The following SVOPL variants were observed in gnomAD, a reference collection of about 807,000 sequenced individuals.
SVOPL encodes putative transporter SVOPL.
In SVOPL, 60 loss-of-function variants were observed where a neutral mutation model predicts 61.0. The ratio of observed to expected loss-of-function variants is 0.98; its 90% CI spans 0.80 to 1.22. The LOEUF is 1.22. Among genes scored for constraint, SVOPL ranks in the 50% most tolerant of loss-of-function variants. The pLI is 0.00. For synonymous variants in SVOPL, 279 were observed against 250.0 expected (o/e 1.12, Z -1.09); for missense variants, 662 against 643.9 (o/e 1.03, Z -0.30).
chr7:138,628,177 G>A lies in SVOPL; in HGVS notation c.1050C>T (p.Ser350=). ...ACTTACAAGCAATTTCACCGATGGT[G>A]CTGATGATCATGGTCCGATAGTCAG... ...APSDYRTMII[S]TIGEIALNPL... Residue 350 remains serine, a synonymous_variant, in exon 11 of 16, where the codon AGC becomes AGT. Transcript: ENST00000674285. The A allele has an allele frequency of 1.2e-6, 2 of 1,614,174 alleles. No individual in the cohort carries two copies. The highest frequency in any genetic ancestry group is 1.7e-6 in the Non-Finnish European group (2 of 1,180,044).
chr7:138,640,842 T>A (rs528123253), intron 9 of SVOPL, among the ~76,000 whole-genome samples: 191 of 152,184 alleles, frequency 1.3e-3, no homozygotes, highest in Admixed American at 3.2e-3. Flanking sequence ...GGATCAATCA[T>A]ACCCCAAACC....
At chr7:138,690,834 G>A (rs747670080) in intron 1 of SVOPL, among the ~76,000 whole-genome samples, 16 of 152,036 alleles carry the variant, frequency 1.1e-4, no homozygotes, top group South Asian at 2.1e-4. Flanking sequence ...GTGCAGTGGC[G>A]CAATCTCAGC....
chr7:138,647,898 G>A (rs1801202827), intron 8 of SVOPL, among the ~76,000 whole-genome samples: 4 of 151,806 alleles, frequency 2.6e-5, no homozygotes, highest in Admixed American at 2.6e-4. Context: ...GCAGCTTTCT[G>A]GCAGAGACCT....
intron 1 of SVOPL, chr7:138,689,505 A>G: frequency 4.1e-6 from 3 of 732,232 alleles, no homozygotes; most frequent in Admixed American, 4.2e-5. Context: ...GAAGAAACAA[A>G]AACTTATGAC....
intron 9 of SVOPL, 68 bp downstream of exon 9, chr7:138,644,649 T>C: frequency 6.3e-7 from 1 of 1,581,204 alleles, no homozygotes; most frequent in Non-Finnish European, 8.6e-7. Flanking sequence ...CCCTCCAGCC[T>C]TCCACAACTG....
chr7:138,603,887 T>C lies in SVOPL; in HGVS notation c.1354-7357A>G, dbSNP rs75038881. ...AGACTCCAGAACACTCCCAACTTTG[T>C]GGTCATCACATTTGGCTTTCGATAA... On this transcript the variant is annotated intron_variant, in intron 14 of 15. Coordinates refer to ENST00000674285, the MANE Select transcript of SVOPL (RefSeq NM_001139456.2). Among the ~76,000 whole-genome samples the C allele has an allele frequency of 1.1e-4, 16 of 152,026 alleles. No individual in the cohort carries two copies. The East Asian group carries it at 2.5e-3, about 24-fold the overall frequency.
chr7:138,680,826 G>A (rs1345639859), intron 1 of SVOPL, among the ~76,000 whole-genome samples: 4 of 152,168 alleles, frequency 2.6e-5, no homozygotes, highest in African/African-American at 4.8e-5. Flanking sequence ...GAATCCGCCC[G>A]CATCGGCCTC....
intron 4 of SVOPL, chr7:138,663,416 C>T: frequency 7.4e-7 from 1 of 1,349,878 alleles, no homozygotes; most frequent in Non-Finnish European, 9.5e-7. Context: ...ACGGCTTCGG[C>T]TCCACTCTAT....
In SVOPL at chr7:138,639,025, G is replaced by A. The variant is rs1204120270; in HGVS notation, c.789+5692C>T. On this transcript the variant is annotated intron_variant, in intron 9 of 15. Coordinates refer to ENST00000674285, the MANE Select transcript of SVOPL (RefSeq NM_001139456.2). ...CCCAACACTTTGGAAGGCTGAGGCA[G>A]GTGGATCACCTGAGGTCAGGAGCTC... 3.9e-5 allele frequency among the ~76,000 whole-genome samples: 6 copies of A among 152,286 alleles called. No homozygotes were observed. The East Asian group carries it at 1.2e-3, about 29-fold the overall frequency.
At chr7:138,606,414 A>G (rs1563083431) in intron 14 of SVOPL, among the ~76,000 whole-genome samples, 1 of 152,244 alleles carries the variant, frequency 6.6e-6, no homozygotes, top group East Asian at 1.9e-4. Flanking sequence ...CTACCTGTGT[A>G]ACTTCCCTTA....
chr7:138,655,024 C>CT, intron 7 of SVOPL, among the ~76,000 whole-genome samples: 1 of 151,736 alleles, frequency 6.6e-6, no homozygotes, highest in East Asian at 1.9e-4. Flanking sequence ...AACCCCATCT[C>CT]TACAAAAAAT....
intron 5 of SVOPL, chr7:138,660,570 A>G: frequency 1.0e-6 from 1 of 985,564 alleles, no homozygotes; most frequent in Non-Finnish European, 1.2e-6. Context: ...GTAATATAAT[A>G]CATAAGACCT....
intron 1 of SVOPL, 98 bp from the exon 2 acceptor site, chr7:138,679,177 TCACA>T: frequency 1.3e-6 from 1 of 791,294 alleles, no homozygotes; most frequent in Non-Finnish European, 2.0e-6. Context: ...CCTGAAGCCC[TCACA>T]AAAATCGAAT....
At chr7:138,690,622 GC>G (rs545023658) in intron 1 of SVOPL, among the ~76,000 whole-genome samples, 96 of 152,176 alleles carry the variant, frequency 6.3e-4, no homozygotes, top group Non-Finnish European at 1.3e-3. Context: ...ATGAGTGGTT[GC>G]GGGGGGAGGA....
chr7:138,621,282 C>G (rs1799555072), intron 13 of SVOPL, 147 bp from the exon 14 acceptor site: 1 of 543,876 alleles, frequency 1.8e-6, no homozygotes, highest in Non-Finnish European at 3.0e-6. Context: ...TGTTGATTTT[C>G]TCAGGTACAC....
chr7:138,644,461 A>T (rs1339291229), intron 9 of SVOPL, among the ~76,000 whole-genome samples: 2 of 152,216 alleles, frequency 1.3e-5, no homozygotes, highest in African/African-American at 4.8e-5. Flanking sequence ...CAATGATGCC[A>T]AATCATGTTA....
Position 138,634,048 on chromosome 7 carries a change from C to A in SVOPL, c.790-3926G>T, listed in dbSNP as rs568755026. The stretch of plus-strand genomic sequence containing the variant: ...GAGCATGAGCTGAGGTCAGAAGAGC[C>A]TTTCCCATGATCCTGCCAGCCCTAG... On this transcript the variant is annotated intron_variant, in intron 9 of 15. Coordinates refer to ENST00000674285, the MANE Select transcript of SVOPL (RefSeq NM_001139456.2). 5.3e-5 allele frequency among the ~76,000 whole-genome samples: 8 copies of A among 152,310 alleles called. No individual in the cohort carries two copies. In the East Asian group the frequency reaches 1.5e-3, roughly 29 times the overall value.
intron 13 of SVOPL, among the ~76,000 whole-genome samples, chr7:138,624,282 A>T (rs896734880): frequency 1.3e-5 from 2 of 152,196 alleles, no homozygotes; most frequent in African/African-American, 4.8e-5. Flanking sequence ...CTGTCAGCCC[A>T]TAATTCTTTT....
chr7:138,617,720 C>T (rs1278476556), intron 14 of SVOPL, among the ~76,000 whole-genome samples: 1 of 152,158 alleles, frequency 6.6e-6, no homozygotes, highest in Non-Finnish European at 1.5e-5. Flanking sequence ...CCTGTAGTCC[C>T]AGCTACTTGT....
Sources: allele counts gnomAD v4.1 joint callset (sites outside exome capture counted in the v4.1 genomes callset), GRCh38; gene constraint gnomAD v4.1.1; transcripts MANE v1.5; gene names NCBI Gene and HGNC (gene_info 2026-07-23, HGNC 2026-07-21).